Variants in SLC20A2 observed in about 807,000 individuals in gnomAD.
SLC20A2 encodes sodium-dependent phosphate transporter 2.
In SLC20A2, 30 loss-of-function variants were observed where a neutral mutation model predicts 61.0. The observed-to-expected ratio is 0.49, with a 90% CI of 0.37 to 0.67. The LOEUF is 0.67. Among genes scored for constraint, SLC20A2 ranks in the 30% least tolerant of loss-of-function variants. The pLI is 0.00. For synonymous variants in SLC20A2, 351 were observed against 353.3 expected (o/e 0.99, Z 0.07); for missense variants, 626 against 866.4 (o/e 0.72, Z 3.48).
chr8:42,513,670 T>C (rs915026083), intron 1 of SLC20A2, among the ~76,000 whole-genome samples: 1 of 152,140 alleles, frequency 6.6e-6, no homozygotes, highest in African/African-American at 2.4e-5. Flanking sequence ...CTCAGGGAGC[T>C]TCCTAACCTG....
chr8:42,456,449 CA>C (rs1420498477), intron 5 of SLC20A2, among the ~76,000 whole-genome samples: 3 of 152,016 alleles, frequency 2.0e-5, no homozygotes, highest in Non-Finnish European at 4.4e-5. Context: ...AAAATAAGAA[CA>C]AAGGGCAAGG....
At chr8:42,443,003 AAAACAG>A (rs1440566455) in intron 6 of SLC20A2, among the ~76,000 whole-genome samples, 2 of 152,078 alleles carry the variant, frequency 1.3e-5, no homozygotes, top group African/African-American at 4.8e-5. Flanking sequence ...TGGGAATAGG[AAAACAG>A]CCTTGGCTGA....
chr8:42,428,733 G>A (rs1803612257), intron 10 of SLC20A2, 25 bp downstream of exon 10: 1 of 1,600,068 alleles, frequency 6.2e-7, no homozygotes, highest in South Asian at 1.1e-5. Context: ...GCCTGGGGAA[G>A]GGCTCCCGGC....
At chr8:42,466,028 G>T in intron 2 of SLC20A2, 111 bp from the exon 3 acceptor site, 1 of 996,242 alleles carries the variant, frequency 1.0e-6, no homozygotes, top group Non-Finnish European at 1.4e-6. Flanking sequence ...TTAATTTTCT[G>T]TGAATTGTTT....
At chr8:42,459,049 G>A (rs1018563261) in intron 5 of SLC20A2, among the ~76,000 whole-genome samples, 6 of 149,742 alleles carry the variant, frequency 4.0e-5, no homozygotes, top group African/African-American at 1.5e-4. Context: ...GAGGCAGGCG[G>A]ATCACAAGGT....
intron 1 of SLC20A2, among the ~76,000 whole-genome samples, chr8:42,531,847 G>A (rs552416575): frequency 4.7e-5 from 7 of 148,210 alleles, no homozygotes; most frequent in South Asian, 2.1e-4. Flanking sequence ...TTGAGACAGA[G>A]TCTCGCTGTC....
At chr8:42,470,216 ATTT>A (rs556198459) in intron 2 of SLC20A2, among the ~76,000 whole-genome samples, 20 of 132,866 alleles carry the variant, frequency 1.5e-4, no homozygotes, top group African/African-American at 3.4e-4. Flanking sequence ...CTTGAACCTG[ATTT>A]TTTTTTTTTT....
At chr8:42,526,636 G>A (rs1489627403) in intron 1 of SLC20A2, among the ~76,000 whole-genome samples, 1 of 148,590 alleles carries the variant, frequency 6.7e-6, no homozygotes, top group Admixed American at 6.7e-5. Flanking sequence ...TCGCGCCACT[G>A]CACCCCAGCC....
At chr8:42,533,711 G>C (rs889534983) in intron 1 of SLC20A2, among the ~76,000 whole-genome samples, 2 of 126,940 alleles carry the variant, frequency 1.6e-5, no homozygotes, top group African/African-American at 3.1e-5. Flanking sequence ...CCAGGCTGGA[G>C]TGCAGTGGCG....
In SLC20A2 at chr8:42,439,673, ACTGAACATT is replaced by A. The variant is rs1287725503; in HGVS notation, c.731-29_731-21del. 6.5e-7 allele frequency: 1 copy of A among 1,538,404 alleles called. No homozygotes were observed. The highest frequency in any genetic ancestry group is 1.4e-5 in the African/African-American group (1 of 73,384). On this transcript the variant is annotated intron_variant, in intron 6 of 10. Coordinates refer to ENST00000520262, the MANE Select transcript of SLC20A2 (RefSeq NM_001257180.2). ...ATTTGCCTAAAGAAAACAAAGTCAT[ACTGAACATT>A]CTGGAAGAGAGTTCTTATTATTGAA... is the stretch of plus-strand genomic sequence containing the variant.
chr8:42,426,139 G>C (rs1421425335), intron 10 of SLC20A2, among the ~76,000 whole-genome samples: 1 of 152,114 alleles, frequency 6.6e-6, no homozygotes, highest in East Asian at 1.9e-4. Flanking sequence ...AAATCTCTTA[G>C]TCACACATCA....
intron 1 of SLC20A2, among the ~76,000 whole-genome samples, chr8:42,513,835 G>T (rs994939122): frequency 1.3e-5 from 2 of 152,106 alleles, no homozygotes; most frequent in African/African-American, 2.4e-5. Context: ...GAGATTTTGC[G>T]ATGGAAATAC....
chr8:42,461,213 G>A (rs191577049), intron 4 of SLC20A2, among the ~76,000 whole-genome samples: 3 of 152,250 alleles, frequency 2.0e-5, no homozygotes, highest in Non-Finnish European at 2.9e-5. Context: ...AGATTAATGG[G>A]CTGGAGCCTG....
chr8:42,465,002 A>T (rs907993400), intron 3 of SLC20A2, among the ~76,000 whole-genome samples: 4 of 152,016 alleles, frequency 2.6e-5, no homozygotes, highest in Non-Finnish European at 5.9e-5. Flanking sequence ...AAACAACAAA[A>T]CATAACAAAA....
intron 1 of SLC20A2, among the ~76,000 whole-genome samples, chr8:42,484,444 T>A (rs1808789219): frequency 6.6e-6 from 1 of 152,222 alleles, no homozygotes; most frequent in South Asian, 2.1e-4. Flanking sequence ...ATATTATTAA[T>A]ACCTTCACAA....
intron 8 of SLC20A2, among the ~76,000 whole-genome samples, chr8:42,432,627 G>A (rs1349131485): frequency 6.6e-6 from 1 of 152,170 alleles, no homozygotes; most frequent in African/African-American, 2.4e-5. Flanking sequence ...GAAGTTAATT[G>A]ATGCGGCAAA....
chr8:42,418,667 C>T (rs1563431760), intron 10 of SLC20A2, among the ~76,000 whole-genome samples: 1 of 151,706 alleles, frequency 6.6e-6, no homozygotes, highest in South Asian at 2.1e-4. Context: ...GGATTACAGG[C>T]GTGAGCCACT....
chr8:42,492,475 A>G (rs1327947534), intron 1 of SLC20A2, among the ~76,000 whole-genome samples: 1 of 152,258 alleles, frequency 6.6e-6, no homozygotes, highest in Non-Finnish European at 1.5e-5. Context: ...GTAGAAAGAC[A>G]CGAGATGATG....
chr8:42,447,464 T>G (rs868021863), intron 5 of SLC20A2, among the ~76,000 whole-genome samples: 3 of 151,976 alleles, frequency 2.0e-5, no homozygotes, highest in South Asian at 4.1e-4. Flanking sequence ...GATCACAAGG[T>G]CAGGAGATGG....
Sources: gnomAD v4.1 joint callset for allele counts (sites outside exome capture counted in the v4.1 genomes callset) on GRCh38, gnomAD v4.1.1 for gene constraint, MANE v1.5 for transcripts, NCBI Gene and HGNC (gene_info 2026-07-23, HGNC 2026-07-21) for gene names.